Variants in CSMD1 observed in about 807,000 individuals in gnomAD.
CSMD1 encodes CUB and Sushi multiple domains 1, also known as CUB and sushi domain-containing protein 1.
Under a neutral mutation model 417.5 loss-of-function variants are expected in CSMD1, and 213 were observed. That is an observed-to-expected ratio of 0.51 (90% CI 0.46 to 0.57). CSMD1 has a LOEUF of 0.57. Among genes scored for constraint, CSMD1 ranks in the 20% least tolerant of loss-of-function variants. CSMD1 has a pLI of 0.00. For missense variants in CSMD1, 6,923 were observed against 4,529.7 expected, an observed-to-expected ratio of 1.53 and a Z score of -15.17; for synonymous variants, 2,862 against 1,736.8, an observed-to-expected ratio of 1.65 and a Z score of -16.11.
chr8:3,753,882 A>G (rs1243733896), intron 6 of CSMD1, 48 bp downstream of exon 6: 1 of 1,340,032 alleles, frequency 7.5e-7, no homozygotes. Flanking sequence ...GGATCAAAAT[A>G]TATTACGCTC....
chr8:3,872,787 C>A (rs150118044), intron 5 of CSMD1, among the ~76,000 whole-genome samples: 1 of 150,598 alleles, frequency 6.6e-6, no homozygotes, highest in African/African-American at 2.4e-5. Context: ...CGACAAAGAT[C>A]TAATATCCAG....
intron 3 of CSMD1, among the ~76,000 whole-genome samples, chr8:4,347,540 C>A (rs986010749): frequency 6.6e-6 from 1 of 152,148 alleles, no homozygotes; most frequent in Non-Finnish European, 1.5e-5. Flanking sequence ...ATAAGGCTGT[C>A]TCAACAGAAA....
chr8:3,709,798 G>T (rs1801403610), intron 6 of CSMD1, among the ~76,000 whole-genome samples: 1 of 143,454 alleles, frequency 7.0e-6, no homozygotes, highest in South Asian at 2.2e-4. Context: ...CTTCGGTCTT[G>T]TCAGCTTCAT....
At chr8:4,404,064 C>T (rs1804842689) in intron 3 of CSMD1, among the ~76,000 whole-genome samples, 1 of 152,112 alleles carries the variant, frequency 6.6e-6, no homozygotes, top group Non-Finnish European at 1.5e-5. Flanking sequence ...ACACTCTACG[C>T]CAGAGCTTTT....
intron 2 of CSMD1, among the ~76,000 whole-genome samples, chr8:4,528,112 G>A (rs1443920954): frequency 2.0e-5 from 3 of 152,144 alleles, no homozygotes; most frequent in Admixed American, 1.3e-4. Context: ...TTGTGTTCTG[G>A]TTCTGACTTT....
At chr8:3,162,118 A>AC in intron 38 of CSMD1, 41 bp downstream of exon 38, 3 of 1,270,556 alleles carry the variant, frequency 2.4e-6, no homozygotes, top group Non-Finnish European at 3.4e-6. Context: ...CACAAAGATG[A>AC]CCATGTGTAT....
intron 3 of CSMD1, among the ~76,000 whole-genome samples, chr8:4,302,010 G>A (rs192055812): frequency 6.6e-6 from 1 of 152,254 alleles, no homozygotes; most frequent in African/African-American, 2.4e-5. Flanking sequence ...GTTAATATGA[G>A]TTTATTTTGG....
At chr8:3,549,220 T>A (rs1798805869) in intron 10 of CSMD1, among the ~76,000 whole-genome samples, 2 of 152,220 alleles carry the variant, frequency 1.3e-5, no homozygotes, top group African/African-American at 4.8e-5. Context: ...CTCATAAGCA[T>A]GGTTTCTATG....
intron 25 of CSMD1, among the ~76,000 whole-genome samples, chr8:3,285,951 T>C (rs1322329748): frequency 6.6e-6 from 1 of 152,090 alleles, no homozygotes; most frequent in African/African-American, 2.4e-5. Flanking sequence ...CCATTTAACA[T>C]TAGATAAATT....
intron 2 of CSMD1, among the ~76,000 whole-genome samples, chr8:4,471,367 T>G (rs1308571230): frequency 6.6e-6 from 1 of 152,178 alleles, no homozygotes; most frequent in Non-Finnish European, 1.5e-5. Context: ...GACATTGGGT[T>G]AGACTATTTC....
intron 11 of CSMD1, among the ~76,000 whole-genome samples, chr8:3,484,701 C>G (rs1448309794): frequency 6.6e-6 from 1 of 152,180 alleles, no homozygotes; most frequent in African/African-American, 2.4e-5. Context: ...CTACAAAGCA[C>G]TAATATCTTG....
chr8:4,756,814 A>G (rs1185420526), intron 1 of CSMD1, among the ~76,000 whole-genome samples: 1 of 152,188 alleles, frequency 6.6e-6, no homozygotes, highest in African/African-American at 2.4e-5. Context: ...GCTGGATAAT[A>G]GAAGAGCTGG....
intron 3 of CSMD1, among the ~76,000 whole-genome samples, chr8:4,152,015 A>T (rs893242196): frequency 6.6e-6 from 1 of 152,126 alleles, no homozygotes; most frequent in African/African-American, 2.4e-5. Context: ...TAACGTAATC[A>T]ATGTGTTTAG....
intron 32 of CSMD1, among the ~76,000 whole-genome samples, chr8:3,200,702 A>G (rs945580439): frequency 2.6e-5 from 4 of 152,132 alleles, no homozygotes; most frequent in African/African-American, 9.7e-5. Flanking sequence ...GTTACTAATA[A>G]TCAACATATT....
intron 7 of CSMD1, among the ~76,000 whole-genome samples, chr8:3,632,860 A>G (rs907868335): frequency 3.9e-5 from 6 of 152,206 alleles, no homozygotes; most frequent in African/African-American, 1.4e-4. Context: ...CTGGTTAGTG[A>G]TCCTGTTTTA....
intron 3 of CSMD1, among the ~76,000 whole-genome samples, chr8:4,197,963 T>C (rs1018716297): frequency 6.6e-6 from 1 of 152,246 alleles, no homozygotes; most frequent in African/African-American, 2.4e-5. Flanking sequence ...ATTCATTGGC[T>C]TGACTCTGGG....
chr8:3,619,762 T>C (rs146661230), intron 7 of CSMD1, among the ~76,000 whole-genome samples: 2 of 152,158 alleles, frequency 1.3e-5, no homozygotes, highest in East Asian at 1.9e-4. Flanking sequence ...GGTTTCTCCA[T>C]AGACATTTCA....
At chr8:4,837,601 C>T (rs1800574133) in intron 1 of CSMD1, among the ~76,000 whole-genome samples, 1 of 151,994 alleles carries the variant, frequency 6.6e-6, no homozygotes, top group African/African-American at 2.4e-5. Flanking sequence ...GGATGGTTAC[C>T]AGAGGCTGGG....
chr8:4,947,660 G>C (rs1563840397), intron 1 of CSMD1, among the ~76,000 whole-genome samples: 2 of 152,014 alleles, frequency 1.3e-5, no homozygotes, highest in Non-Finnish European at 2.9e-5. Context: ...CTTACATTTT[G>C]GGTTGATCAT....
Sources: allele counts gnomAD v4.1 joint callset (sites outside exome capture counted in the v4.1 genomes callset), GRCh38; gene constraint gnomAD v4.1.1; transcripts MANE v1.5; gene names NCBI Gene and HGNC (gene_info 2026-07-23, HGNC 2026-07-21).